COL25A1: variants seen among roughly 807,000 people sequenced by gnomAD.
The protein encoded by COL25A1 is collagen type XXV alpha 1 chain.
A neutral mutation model predicts 128.4 loss-of-function variants in COL25A1; 103 were observed. The ratio of observed to expected loss-of-function variants is 0.80; its 90% CI spans 0.68 to 0.94. The LOEUF (loss-of-function observed/expected upper bound fraction) is 0.94, where lower values mean the gene tolerates loss of function less well. COL25A1 is among the 40% of genes least tolerant of loss of function. The probability of loss-of-function intolerance (pLI) is 0.00; values close to 1 mark genes in which losing one functional copy is unlikely to be tolerated. For missense variants in COL25A1, 745 were observed against 840.0 expected, an observed-to-expected ratio of 0.89 and a Z score of 1.40; for synonymous variants, 279 against 277.2, an observed-to-expected ratio of 1.01 and a Z score of -0.06.
At chr4:108,847,363 T>C (rs2880903) in intron 27 of COL25A1, among the ~76,000 whole-genome samples, 121,465 of 152,026 alleles carry the variant, frequency 0.8, 49,185 homozygotes, top group South Asian at 0.89. Flanking sequence ...TTTATCTTTT[T>C]TTTATTAAAA....
chr4:109,209,498 A>G lies in COL25A1; in HGVS notation c.367+91085T>C, dbSNP rs138628161. 7.2e-3 allele frequency among the ~76,000 whole-genome samples: 1,103 copies of G among 152,274 alleles called. 9 individuals are homozygous for G. The highest frequency in any genetic ancestry group is 0.025 in the African/African-American group (1,024 of 41,554). ...CAGAAAAGATTAACCAATCAACTCT[A>G]TTTCTTTCCAGACACAAAGCAGTAA... On this transcript the variant is annotated intron_variant, in intron 3 of 37. Transcript: ENST00000399132.
At chr4:108,824,544 G>A (rs1438851632) in intron 34 of COL25A1, among the ~76,000 whole-genome samples, 1 of 152,166 alleles carries the variant, frequency 6.6e-6, no homozygotes, top group Non-Finnish European at 1.5e-5. Context: ...CTGCACTTTA[G>A]TCCGTTGACT....
At chr4:109,232,794 TTC>T in intron 3 of COL25A1, among the ~76,000 whole-genome samples, 1 of 152,176 alleles carries the variant, frequency 6.6e-6, no homozygotes, top group East Asian at 1.9e-4. Flanking sequence ...ATGTCTCAGA[TTC>T]TGTTTTATTA....
chr4:108,967,151 C>G (rs565843111), intron 8 of COL25A1, among the ~76,000 whole-genome samples: 17 of 152,064 alleles, frequency 1.1e-4, no homozygotes, highest in Admixed American at 3.9e-4. Flanking sequence ...GTTTCCTCAT[C>G]CATTAAATGA....
intron 3 of COL25A1, among the ~76,000 whole-genome samples, chr4:109,222,735 AG>A (rs1367734907): frequency 6.6e-6 from 1 of 152,170 alleles, no homozygotes; most frequent in Non-Finnish European, 1.5e-5. Flanking sequence ...TTCCCAAAGG[AG>A]GCTGTCCATT....
chr4:109,135,649 C>CTT (rs33959697), intron 3 of COL25A1, among the ~76,000 whole-genome samples: 19 of 151,512 alleles, frequency 1.3e-4, no homozygotes, highest in East Asian at 7.8e-4. Context: ...TTAAATGGAG[C>CTT]TTTTTTTTTC....
intron 24 of COL25A1, among the ~76,000 whole-genome samples, chr4:108,855,638 T>C (rs1736402402): frequency 6.6e-6 from 1 of 152,134 alleles, no homozygotes; most frequent in Non-Finnish European, 1.5e-5. Flanking sequence ...AAAGATAACA[T>C]GTTTAATAAT....
chr4:109,276,306 G>A (rs1202024808), intron 3 of COL25A1, among the ~76,000 whole-genome samples: 4 of 151,814 alleles, frequency 2.6e-5, no homozygotes, highest in Non-Finnish European at 5.9e-5. Context: ...CAGCTACTCA[G>A]GAGGCTGAGG....
intron 3 of COL25A1, among the ~76,000 whole-genome samples, chr4:109,293,292 C>T (rs895355268): frequency 6.6e-6 from 1 of 151,988 alleles, no homozygotes. Context: ...AAATATCAAG[C>T]TTTCTAAGTA....
intron 5 of COL25A1, among the ~76,000 whole-genome samples, chr4:109,012,228 C>G (rs994334745): frequency 1.3e-5 from 2 of 152,232 alleles, no homozygotes; most frequent in Non-Finnish European, 2.9e-5. Context: ...CCTAGGCTGG[C>G]TACAAAGGTT....
chr4:108,965,091 T>C (rs917374241), intron 8 of COL25A1, among the ~76,000 whole-genome samples: 5 of 152,230 alleles, frequency 3.3e-5, no homozygotes, highest in Non-Finnish European at 7.3e-5. Flanking sequence ...TCAACAAAGG[T>C]TAAGATAATA....
rs962566831 is a variant in COL25A1, at chr4:109,174,957, C to A, written c.368-124778G>T. On this transcript the variant is annotated intron_variant, in intron 3 of 37. Transcript: ENST00000399132. ...CAGTGGTAGTAGATTCTCATAGGAA[C>A]ATGAACCCTATTGTGAACTGCGCTT... 4.6e-5 allele frequency among the ~76,000 whole-genome samples: 7 copies of A among 152,144 alleles called. No homozygotes were observed. In the East Asian group the frequency reaches 7.7e-4, roughly 17 times the overall value.
At chr4:109,269,721 T>C (rs1782063409) in intron 3 of COL25A1, among the ~76,000 whole-genome samples, 2 of 152,168 alleles carry the variant, frequency 1.3e-5, no homozygotes, top group Admixed American at 1.3e-4. Flanking sequence ...TTTGGCTGCA[T>C]AAATGTCTTC....
intron 3 of COL25A1, among the ~76,000 whole-genome samples, chr4:109,104,763 C>G (rs984970289): frequency 2.6e-5 from 4 of 151,994 alleles, no homozygotes; most frequent in Non-Finnish European, 5.9e-5. Context: ...TTAAAGGAAA[C>G]GTATACATCT....
chr4:109,256,022 T>C, intron 3 of COL25A1, among the ~76,000 whole-genome samples: 1 of 151,730 alleles, frequency 6.6e-6, no homozygotes, highest in East Asian at 1.9e-4. Flanking sequence ...CACATGTACC[T>C]GAAACCTTTC....
chr4:109,218,365 T>TTTGTTTGTTTTTTTTTTTTG (rs996834731), intron 3 of COL25A1, among the ~76,000 whole-genome samples: 2 of 128,632 alleles, frequency 1.6e-5, no homozygotes, highest in Non-Finnish European at 3.1e-5. Context: ...GGGTTTTTTT[T>TTTGTTTGTTTTTTTTTTTTG]TTTTTTTTTT....
intron 8 of COL25A1, among the ~76,000 whole-genome samples, chr4:108,945,633 C>T (rs540997392): frequency 1.3e-5 from 2 of 152,172 alleles, no homozygotes; most frequent in East Asian, 3.9e-4. Context: ...AGAAAACATC[C>T]AGGAATAAGC....
At chr4:108,910,898 G>A (rs1040501218) in intron 13 of COL25A1, among the ~76,000 whole-genome samples, 1 of 152,176 alleles carries the variant, frequency 6.6e-6, no homozygotes, top group African/African-American at 2.4e-5. Context: ...AGACAGAGAA[G>A]AGAAACCTGA....
chr4:109,019,037 C>T (rs1057477150), intron 5 of COL25A1, among the ~76,000 whole-genome samples: 1 of 152,066 alleles, frequency 6.6e-6, no homozygotes, highest in African/African-American at 2.4e-5. Flanking sequence ...CTGGCTGTGT[C>T]TGTGTGGGTG....
Sources: gnomAD v4.1 joint callset for allele counts (sites outside exome capture counted in the v4.1 genomes callset) on GRCh38, gnomAD v4.1.1 for gene constraint, MANE v1.5 for transcripts, NCBI Gene and HGNC (gene_info 2026-07-23, HGNC 2026-07-21) for gene names.